Variants in RSRC1 observed in about 807,000 individuals in gnomAD.
The protein encoded by RSRC1 is arginine and serine rich coiled-coil 1, also known as serine/Arginine-related protein 53.
In RSRC1, 39 loss-of-function variants were observed where a neutral mutation model predicts 49.1. That is an observed-to-expected ratio of 0.79 (90% CI 0.61 to 1.04). The LOEUF (loss-of-function observed/expected upper bound fraction) is 1.04, where lower values mean the gene tolerates loss of function less well. Among genes scored for constraint, RSRC1 ranks in the 50% least tolerant of loss-of-function variants. The pLI, the probability that RSRC1 is intolerant of heterozygous loss-of-function variation, is 0.00. For synonymous variants in RSRC1, 143 were observed against 130.8 expected (o/e 1.09, Z -0.63); for missense variants, 388 against 402.4 (o/e 0.96, Z 0.31).
intron 4 of RSRC1, among the ~76,000 whole-genome samples, chr3:158,284,664 T>A (rs927849675): frequency 2.7e-5 from 4 of 150,530 alleles, no homozygotes; most frequent in Non-Finnish European, 4.4e-5. Context: ...CATTTTTTCA[T>A]GTGGTTTTTG....
chr3:158,231,104 CTGTAG>C (rs1215945277), intron 4 of RSRC1, among the ~76,000 whole-genome samples: 1 of 89,732 alleles, frequency 1.1e-5, no homozygotes, highest in Non-Finnish European at 2.4e-5. Flanking sequence ...TATTTCTTGG[CTGTAG>C]TAGAGATGAA....
intron 6 of RSRC1, among the ~76,000 whole-genome samples, chr3:158,452,180 A>G (rs1737081072): frequency 6.6e-6 from 1 of 152,154 alleles, no homozygotes; most frequent in East Asian, 1.9e-4. Context: ...TTAAATTAAT[A>G]TTAAACTGTG....
intron 7 of RSRC1, among the ~76,000 whole-genome samples, chr3:158,461,484 A>G (rs1737608598): frequency 5.9e-5 from 9 of 151,938 alleles, no homozygotes; most frequent in Admixed American, 5.9e-4. Flanking sequence ...AACAACATTT[A>G]GGCCATTCCC....
intron 7 of RSRC1, among the ~76,000 whole-genome samples, chr3:158,528,652 AT>A (rs1049006656): frequency 6.6e-5 from 10 of 151,956 alleles, no homozygotes; most frequent in African/African-American, 2.4e-4. Flanking sequence ...GTCGATAAGG[AT>A]TCTAGAATTA....
chr3:158,249,040 A>G (rs903428486), intron 4 of RSRC1, among the ~76,000 whole-genome samples: 6 of 152,164 alleles, frequency 3.9e-5, no homozygotes, highest in East Asian at 1.9e-4. Flanking sequence ...TCTGATACCT[A>G]ATAATATTGA....
At chr3:158,127,541 C>G (rs141954911) in intron 3 of RSRC1, among the ~76,000 whole-genome samples, 1 of 151,816 alleles carries the variant, frequency 6.6e-6, no homozygotes, top group East Asian at 1.9e-4. Context: ...TGTAATTTCT[C>G]TTTGTTGATA....
chr3:158,253,157 A>G (rs1204544588), intron 4 of RSRC1, among the ~76,000 whole-genome samples: 1 of 151,794 alleles, frequency 6.6e-6, no homozygotes, highest in Admixed American at 6.6e-5. Context: ...TTTATGATGT[A>G]TCGCTGGCTT....
At chr3:158,542,641 GATTA>G (rs1713100154) in intron 8 of RSRC1, among the ~76,000 whole-genome samples, 1 of 152,210 alleles carries the variant, frequency 6.6e-6, no homozygotes, top group Non-Finnish European at 1.5e-5. Context: ...AGAGAAAGAA[GATTA>G]ATTGTTACCT....
intron 5 of RSRC1, among the ~76,000 whole-genome samples, chr3:158,327,310 T>C (rs1380759138): frequency 6.6e-6 from 1 of 152,226 alleles, no homozygotes; most frequent in Admixed American, 6.5e-5. Flanking sequence ...TCTAGTTCTT[T>C]TAATTGTGAT....
chr3:158,334,366 T>A (rs1729738124), intron 5 of RSRC1, among the ~76,000 whole-genome samples: 1 of 152,320 alleles, frequency 6.6e-6, no homozygotes, highest in African/African-American at 2.4e-5. Context: ...TATTTTAAAA[T>A]TTTATAGAGG....
chr3:158,217,750 C>CA (rs1177672027), intron 4 of RSRC1, among the ~76,000 whole-genome samples: 1 of 90,960 alleles, frequency 1.1e-5, no homozygotes, highest in African/African-American at 4.2e-5. Context: ...AATTATGGTC[C>CA]AGTGTGTGTG....
At chr3:158,451,764 A>G (rs956953634) in intron 6 of RSRC1, among the ~76,000 whole-genome samples, 1 of 152,068 alleles carries the variant, frequency 6.6e-6, no homozygotes, top group Admixed American at 6.6e-5. Context: ...AATATAACAT[A>G]TGGGAATTAG....
intron 6 of RSRC1, among the ~76,000 whole-genome samples, chr3:158,447,427 A>G (rs1334758410): frequency 1.3e-5 from 2 of 152,036 alleles, no homozygotes; most frequent in Non-Finnish European, 2.9e-5. Context: ...TTCTGACTTC[A>G]TAATTAAACT....
chr3:158,510,497 G>A (rs1469578771), intron 7 of RSRC1, among the ~76,000 whole-genome samples: 1 of 151,492 alleles, frequency 6.6e-6, no homozygotes, highest in Non-Finnish European at 1.5e-5. Flanking sequence ...TAATCCACCT[G>A]GAATTTTTTT....
intron 3 of RSRC1, among the ~76,000 whole-genome samples, chr3:158,201,869 T>C (rs1244218287): frequency 6.6e-6 from 1 of 152,210 alleles, no homozygotes; most frequent in Non-Finnish European, 1.5e-5. Context: ...TTTGTGTTTC[T>C]TCATATATCT....
At chr3:158,527,293 T>C (rs1712100853) in intron 7 of RSRC1, among the ~76,000 whole-genome samples, 1 of 151,738 alleles carries the variant, frequency 6.6e-6, no homozygotes, top group South Asian at 2.1e-4. Context: ...CTCTAGCTAG[T>C]GGGTGGCCAG....
chr3:158,382,940 AATTCTT>A, intron 6 of RSRC1, among the ~76,000 whole-genome samples: 1 of 152,294 alleles, frequency 6.6e-6, no homozygotes, highest in African/African-American at 2.4e-5. Flanking sequence ...TTTGTTAAAT[AATTCTT>A]CCTTCTCTTC....
chr3:158,123,365 C>T (rs535987703), intron 2 of RSRC1, among the ~76,000 whole-genome samples: 13 of 152,152 alleles, frequency 8.5e-5, no homozygotes, highest in South Asian at 8.3e-4. Context: ...GGGAGTGCAG[C>T]GGTGCAGTCA....
intron 4 of RSRC1, among the ~76,000 whole-genome samples, chr3:158,264,686 T>C (rs1725074832): frequency 6.6e-6 from 1 of 152,228 alleles, no homozygotes; most frequent in African/African-American, 2.4e-5. Flanking sequence ...GAGATGCAGC[T>C]AAGTTCCTTG....
Sources: gnomAD v4.1 joint callset for allele counts (sites outside exome capture counted in the v4.1 genomes callset) on GRCh38, gnomAD v4.1.1 for gene constraint, MANE v1.5 for transcripts, NCBI Gene and HGNC (gene_info 2026-07-23, HGNC 2026-07-21) for gene names.